The following GNG4 variants were observed in gnomAD, a reference collection of about 807,000 sequenced individuals.
The protein encoded by GNG4 is G protein subunit gamma 4.
Under a neutral mutation model 5.8 loss-of-function variants are expected in GNG4, and 4 were observed. The ratio of observed to expected loss-of-function variants is 0.69; its 90% CI spans 0.34 to 1.57. The LOEUF is 1.57. GNG4 is among the 40% of genes most tolerant of loss of function. The probability of loss-of-function intolerance (pLI) is 0.06; values close to 1 mark genes in which losing one functional copy is unlikely to be tolerated. For synonymous variants in GNG4, 29 were observed against 32.9 expected, an observed-to-expected ratio of 0.88 and a Z score of 0.41; for missense variants, 96 against 95.1, an observed-to-expected ratio of 1.01 and a Z score of -0.04.
chr1:235,593,875 G>C (rs1032822239), intron 2 of GNG4, among the ~76,000 whole-genome samples: 1 of 152,216 alleles, frequency 6.6e-6, no homozygotes, highest in Non-Finnish European at 1.5e-5. Flanking sequence ...AGCAGCAGCA[G>C]AATTTGTTGC....
At chr1:235,554,832 T>C in intron 3 of GNG4, among the ~76,000 whole-genome samples, 1 of 115,454 alleles carries the variant, frequency 8.7e-6, no homozygotes, top group African/African-American at 3.5e-5. Flanking sequence ...GCAACAAGAG[T>C]GAAACTCCAT....
At chr1:235,563,060 T>C (rs954831398) in intron 3 of GNG4, among the ~76,000 whole-genome samples, 5 of 152,188 alleles carry the variant, frequency 3.3e-5, no homozygotes, top group Non-Finnish European at 7.3e-5. Context: ...ATTTTGTCTT[T>C]TGAAACTTTT....
At chr1:235,583,940 G>C in intron 2 of GNG4, 92 bp from the exon 3 acceptor site, 1 of 679,450 alleles carries the variant, frequency 1.5e-6, no homozygotes. Flanking sequence ...CTCTGTCCAA[G>C]CCAGGGAGCA....
chr1:235,581,259 T>C (rs1269304708), intron 3 of GNG4, among the ~76,000 whole-genome samples: 3 of 151,980 alleles, frequency 2.0e-5, no homozygotes, highest in African/African-American at 7.3e-5. Context: ...TCTCAAGAGA[T>C]CTGGTTGTTT....
intron 1 of GNG4, among the ~76,000 whole-genome samples, chr1:235,601,780 G>C (rs546801984): frequency 3.9e-5 from 6 of 152,226 alleles, no homozygotes; most frequent in African/African-American, 1.4e-4. Context: ...CCAGGCCTGG[G>C]CTTTCAGATA....
chr1:235,562,328 G>C (rs552958748), intron 3 of GNG4, among the ~76,000 whole-genome samples: 13 of 152,090 alleles, frequency 8.5e-5, no homozygotes, highest in Admixed American at 7.9e-4. Flanking sequence ...AAATCATTTT[G>C]TCAATATCCA....
At chr1:235,570,620 C>A (rs1005797648) in intron 3 of GNG4, among the ~76,000 whole-genome samples, 1 of 151,806 alleles carries the variant, frequency 6.6e-6, no homozygotes, top group East Asian at 1.9e-4. Context: ...TGGTCTCGAA[C>A]TCCTGACCTC....
chr1:235,620,356 ACT>A (rs1688681270), intron 1 of GNG4, among the ~76,000 whole-genome samples: 1 of 151,936 alleles, frequency 6.6e-6, no homozygotes, highest in Non-Finnish European at 1.5e-5. Flanking sequence ...CAAGAGTGAA[ACT>A]CTATTTCAAA....
intron 1 of GNG4, among the ~76,000 whole-genome samples, chr1:235,612,561 C>T (rs1688502317): frequency 6.6e-6 from 1 of 152,156 alleles, no homozygotes; most frequent in African/African-American, 2.4e-5. Flanking sequence ...GTCTCACTGT[C>T]ACCCAGGCTG....
At chr1:235,576,991 T>C (rs1176519468) in intron 3 of GNG4, among the ~76,000 whole-genome samples, 1 of 152,238 alleles carries the variant, frequency 6.6e-6, no homozygotes, top group Non-Finnish European at 1.5e-5. Flanking sequence ...TATTACTCTT[T>C]CTTACTTCTG....
intron 3 of GNG4, among the ~76,000 whole-genome samples, chr1:235,563,539 T>C (rs935742416): frequency 2.0e-5 from 3 of 152,144 alleles, no homozygotes; most frequent in Non-Finnish European, 2.9e-5. Context: ...TTGGCTATAC[T>C]GGACAATTAT....
chr1:235,621,217 C>CAAAA (rs35400729), intron 1 of GNG4, among the ~76,000 whole-genome samples: 1 of 114,338 alleles, frequency 8.7e-6, no homozygotes. Flanking sequence ...GGAGATTAGC[C>CAAAA]AAAAAAAAAA....
At chr1:235,617,656 G>C (rs904619290) in intron 1 of GNG4, among the ~76,000 whole-genome samples, 10 of 152,134 alleles carry the variant, frequency 6.6e-5, no homozygotes, top group African/African-American at 2.2e-4. Flanking sequence ...AGGCTGAGGT[G>C]GGTGGATCAC....
intron 1 of GNG4, among the ~76,000 whole-genome samples, chr1:235,634,279 GATTT>G (rs1688986899): frequency 1.3e-5 from 2 of 152,330 alleles, no homozygotes; most frequent in East Asian, 1.9e-4. Context: ...CAGAAATGCA[GATTT>G]ATTAGCAAAA....
chr1:235,580,059 T>C (rs571484967), intron 3 of GNG4, among the ~76,000 whole-genome samples: 1 of 152,292 alleles, frequency 6.6e-6, no homozygotes, highest in South Asian at 2.1e-4. Context: ...GGTCTATCCA[T>C]GCAATGGAAT....
Position 235,642,840 on chromosome 1 carries a change from C to A in GNG4, c.-123+6822G>T, listed in dbSNP as rs12130259. ...AGCCAGACCTCTGCTCAGCTCTGCA[C>A]GTACATGCCCCCTCGATGTCACCTC... is the stretch of plus-strand genomic sequence containing the variant. On this transcript the variant is annotated intron_variant, in intron 1 of 3. Coordinates refer to ENST00000391854, the MANE Select transcript of GNG4 (RefSeq NM_001098722.2). This position sits in a 1 kb window ranked among gnomAD's most constrained non-coding sequence, Gnocchi z 4.3. Among the ~76,000 whole-genome samples the A allele has an allele frequency of 6.6e-6, 1 of 151,918 alleles. No individual in the cohort carries two copies. The highest frequency in any genetic ancestry group is 1.5e-5 in the Non-Finnish European group (1 of 67,982).
intron 1 of GNG4, among the ~76,000 whole-genome samples, chr1:235,607,969 G>A (rs1448978016): frequency 4.9e-5 from 7 of 141,632 alleles, no homozygotes; most frequent in South Asian, 2.2e-4. Context: ...ATGGAATCTC[G>A]CTCTGTCACC....
intron 1 of GNG4, among the ~76,000 whole-genome samples, chr1:235,621,297 C>A (rs866561116): frequency 1.4e-5 from 1 of 72,044 alleles, no homozygotes; most frequent in African/African-American, 6.0e-5. Flanking sequence ...CTTTTCTTTT[C>A]TTTTTTTTTT....
At chr1:235,591,971 G>A (rs888577858) in intron 2 of GNG4, among the ~76,000 whole-genome samples, 21 of 152,326 alleles carry the variant, frequency 1.4e-4, no homozygotes, top group African/African-American at 4.8e-4. Flanking sequence ...CACCAAGTTA[G>A]CCCTGAGAAG....
Sources: gnomAD v4.1 joint callset for allele counts (sites outside exome capture counted in the v4.1 genomes callset) on GRCh38, gnomAD v4.1.1 for gene constraint, Gnocchi (gnomAD v3.1) non-coding constraint, MANE v1.5 for transcripts, NCBI Gene and HGNC (gene_info 2026-07-23, HGNC 2026-07-21) for gene names.